PCDHGA2: variants seen among roughly 807,000 people sequenced by gnomAD.
PCDHGA2 encodes protocadherin gamma-A2.
PCDHGA2 carries 40 observed loss-of-function variants against 59.2 expected under a neutral mutation model. That is an observed-to-expected ratio of 0.68 (90% confidence interval 0.52 to 0.88). PCDHGA2 has a LOEUF of 0.88. PCDHGA2 is among the 40% of genes least tolerant of loss of function. PCDHGA2 has a pLI of 0.00. For missense variants in PCDHGA2, 1,226 were observed against 1,204.0 expected, an observed-to-expected ratio of 1.02 and a Z score of -0.27; for synonymous variants, 560 against 526.0, an observed-to-expected ratio of 1.06 and a Z score of -0.89.
At chr5:141,474,756 T>C (rs2099354156) in intron 1 of PCDHGA2, among the ~76,000 whole-genome samples, 1 of 152,244 alleles carries the variant, frequency 6.6e-6, no homozygotes, top group Non-Finnish European at 1.5e-5. Flanking sequence ...AAGACAAATA[T>C]ACAGAAATAG....
Position 141,476,036 on chromosome 5 carries a change from A to T in PCDHGA2, c.2425-18771A>T. ...ATGTCGGACTCGGCGCCCAGCGCCC[A>T]AGCGCTAACCCGCTGAAAGTTTCTC... On this transcript the variant is annotated intron_variant, in intron 1 of 3. Coordinates refer to ENST00000394576, the MANE Select transcript of PCDHGA2 (RefSeq NM_018915.4). This position sits in a 1 kb window ranked among gnomAD's most constrained non-coding sequence, Gnocchi z 7.6. 1.4e-6 allele frequency: 2 copies of T among 1,471,164 alleles called. No individual in the cohort carries two copies. The highest frequency in any genetic ancestry group is 1.8e-6 in the Non-Finnish European group (2 of 1,106,602). 91.1% of individuals were successfully genotyped at this position (1,471,164 alleles called of 1,614,324 possible).
At chr5:141,502,951 C>G (rs1444086718) in intron 2 of PCDHGA2, among the ~76,000 whole-genome samples, 1 of 147,768 alleles carries the variant, frequency 6.8e-6, no homozygotes, top group African/African-American at 2.6e-5. Context: ...TCAAGCGATT[C>G]TCCTGCCTCA....
chr5:141,480,578 A>G (rs1343189182), intron 1 of PCDHGA2, among the ~76,000 whole-genome samples: 1 of 133,254 alleles, frequency 7.5e-6, no homozygotes, highest in Admixed American at 7.4e-5. Context: ...GCAAGAAATA[A>G]CTGCCGCTCT....
In PCDHGA2 at chr5:141,431,326, T is replaced by G. The variant is rs1486136293; in HGVS notation, c.2425-63481T>G. 6.2e-7 allele frequency: 1 copy of G among 1,614,046 alleles called. No individual in the cohort carries two copies. Among genetic ancestry groups the G allele is most frequent in the Non-Finnish European group, 8.5e-7 (1 of 1,180,018 alleles). On this transcript the variant is annotated intron_variant, in intron 1 of 3. Transcript: ENST00000394576. This position sits in a 1 kb window ranked among gnomAD's most constrained non-coding sequence, Gnocchi z 4.8. Reference sequence around the variant, plus strand: ...TCGTGCAAAATGGAGCCGACGGTAGTAAGTACCCCGAATTGGTGCTGAAAC... The same window carrying G: ...TCGTGCAAAATGGAGCCGACGGTAGGAAGTACCCCGAATTGGTGCTGAAAC...
chr5:141,455,860 A>ATTATTTATTTAT (rs145569377), intron 1 of PCDHGA2, among the ~76,000 whole-genome samples: 9 of 139,836 alleles, frequency 6.4e-5, no homozygotes, highest in African/African-American at 7.9e-5. Context: ...AATTTCTTTT[A>ATTATTTATTTAT]TTATTTATTT....
Position 141,339,746 on chromosome 5 carries a change from A to G in PCDHGA2, c.775A>G (p.Thr259Ala). The G allele has an allele frequency of 1.9e-6, 3 of 1,614,006 alleles. No individual in the cohort carries two copies. Among genetic ancestry groups the G allele is most frequent in the Non-Finnish European group, 2.5e-6 (3 of 1,179,984 alleles). The change falls in exon 1 of 4, where the codon ACC (threonine) becomes GCC (alanine). Residue 259 changes from threonine (T) to alanine (A), a missense_variant. Transcript: ENST00000394576. Reference sequence around the variant, plus strand: ...CATTCCGGAGAATACGCTCGTGGGCACCCGGATACTCACGGTGACCGCCAC... The same window carrying G: ...CATTCCGGAGAATACGCTCGTGGGCGCCCGGATACTCACGGTGACCGCCAC... ...ISIPENTLVG[T>A]RILTVTATDA...
intron 1 of PCDHGA2, chr5:141,399,976 CTGCGCACAGGAGAGG>C: frequency 1.2e-6 from 2 of 1,612,242 alleles, no homozygotes; most frequent in Non-Finnish European, 8.5e-7. Context: ...CAGCCTGGGG[CTGCGCACAGGAGAGG>C]TGCGCACAGC....
chr5:141,443,367 C>T (rs1305408862), intron 1 of PCDHGA2, among the ~76,000 whole-genome samples: 1 of 151,712 alleles, frequency 6.6e-6, no homozygotes, highest in African/African-American at 2.4e-5. Flanking sequence ...TGCCTGTGGT[C>T]TCAGCTACTT....
intron 1 of PCDHGA2, among the ~76,000 whole-genome samples, chr5:141,368,256 T>G (rs982604434): frequency 6.6e-6 from 1 of 152,192 alleles, no homozygotes; most frequent in Non-Finnish European, 1.5e-5. Flanking sequence ...AAAGGTTAAT[T>G]GACACATTAA....
intron 1 of PCDHGA2, chr5:141,375,132 C>T (rs1771158869): frequency 6.2e-7 from 1 of 1,613,952 alleles, no homozygotes; most frequent in Non-Finnish European, 8.5e-7. Flanking sequence ...GTGGTTGTTA[C>T]ATCTGGAAGC....
intron 1 of PCDHGA2, chr5:141,351,764 T>C (rs766409465): frequency 1.9e-6 from 3 of 1,613,590 alleles, no homozygotes; most frequent in Admixed American, 1.7e-5. Context: ...GTCCTACGTG[T>C]CCGTGAGCCC....
intron 1 of PCDHGA2, among the ~76,000 whole-genome samples, chr5:141,359,513 A>G (rs573268239): frequency 5.3e-5 from 8 of 151,392 alleles, no homozygotes; most frequent in African/African-American, 1.9e-4. Flanking sequence ...TAACTATATT[A>G]TGGGCCACTA....
chr5:141,476,267 G>T lies in PCDHGA2; in HGVS notation c.2425-18540G>T, dbSNP rs373758158. 15 of 1,614,056 alleles carry T rather than the reference G, an allele frequency of 9.3e-6. No homozygotes were observed. In the South Asian group the frequency reaches 1.6e-4, roughly 18 times the overall value. On this transcript the variant is annotated intron_variant, in intron 1 of 3. Transcript: ENST00000394576. This position sits in a 1 kb window ranked among gnomAD's most constrained non-coding sequence, Gnocchi z 7.6. ...GAAGGGTTTCGCTGTGGGCAACGTGGTCGCGAACCTTGGTTTGGATCTCGG... is the reference window on the plus strand; with the variant it reads ...GAAGGGTTTCGCTGTGGGCAACGTGTTCGCGAACCTTGGTTTGGATCTCGG...
At chr5:141,421,827 C>A in intron 1 of PCDHGA2, 1 of 1,613,802 alleles carries the variant, frequency 6.2e-7, no homozygotes, top group Non-Finnish European at 8.5e-7. Flanking sequence ...TGGAGGGAAG[C>A]CTGGACCGAG....
chr5:141,392,977 AC>A (rs1561639344), intron 1 of PCDHGA2: 1 of 1,613,678 alleles, frequency 6.2e-7, no homozygotes, highest in South Asian at 1.1e-5. Flanking sequence ...CTGGGGCTGG[AC>A]CCCCGGAAGC....
At chr5:141,417,972 C>T (rs2154547391) in intron 1 of PCDHGA2, 2 of 1,613,830 alleles carry the variant, frequency 1.2e-6, no homozygotes, top group Admixed American at 1.7e-5. Flanking sequence ...TACTCGATTC[C>T]GGAGGAGCTG....
chr5:141,374,696 G>T (rs747520978), intron 1 of PCDHGA2: 1 of 1,609,314 alleles, frequency 6.2e-7, no homozygotes, highest in South Asian at 1.1e-5. Context: ...CCGGGAAGGA[G>T]AAGCCGTTTA....
intron 1 of PCDHGA2, chr5:141,361,485 A>G (rs1762045132): frequency 1.9e-6 from 3 of 1,614,034 alleles, no homozygotes; most frequent in Non-Finnish European, 2.5e-6. Flanking sequence ...ATAATGCCCC[A>G]GTTTTCCAAC....
intron 2 of PCDHGA2, among the ~76,000 whole-genome samples, chr5:141,504,869 C>T (rs919109041): frequency 6.6e-6 from 1 of 152,134 alleles, no homozygotes; most frequent in Admixed American, 6.5e-5. Flanking sequence ...CCCACCTTCA[C>T]AGTCCTCTGG....
Sources: allele counts gnomAD v4.1 joint callset (sites outside exome capture counted in the v4.1 genomes callset), GRCh38; gene constraint gnomAD v4.1.1; non-coding constraint Gnocchi (gnomAD v3.1); transcripts MANE v1.5; gene names NCBI Gene and HGNC (gene_info 2026-07-23, HGNC 2026-07-21).